DPY19L1: variants seen among roughly 807,000 people sequenced by gnomAD.
The protein encoded by DPY19L1 is protein C-mannosyl-transferase DPY19L1.
In DPY19L1, 35 loss-of-function variants were observed where a neutral mutation model predicts 96.9. The ratio of observed to expected loss-of-function variants is 0.36; its 90% confidence interval spans 0.28 to 0.48. The LOEUF (loss-of-function observed/expected upper bound fraction) is 0.48, where lower values mean the gene tolerates loss of function less well. DPY19L1 is among the 20% of genes least tolerant of loss of function. DPY19L1 has a pLI of 0.99. For synonymous variants in DPY19L1, 205 were observed against 252.6 expected (o/e 0.81, Z 1.79); for missense variants, 521 against 777.9 (o/e 0.67, Z 3.93).
intron 10 of DPY19L1, among the ~76,000 whole-genome samples, chr7:34,961,843 TAC>T (rs1584220894): frequency 6.6e-6 from 1 of 152,028 alleles, no homozygotes; most frequent in Non-Finnish European, 1.5e-5. Flanking sequence ...CCAAAAAAGA[TAC>T]ACAGATGGCA....
At chr7:34,965,465 GT>G (rs1257433083) in intron 10 of DPY19L1, among the ~76,000 whole-genome samples, 1 of 152,068 alleles carries the variant, frequency 6.6e-6, no homozygotes, top group African/African-American at 2.4e-5. Context: ...ATATTGTAAA[GT>G]TATAAAGAAA....
intron 12 of DPY19L1, 132 bp downstream of exon 12, chr7:34,955,175 CT>C: frequency 1.0e-6 from 1 of 1,003,624 alleles, no homozygotes; most frequent in Non-Finnish European, 1.5e-6. Flanking sequence ...TACATTAAAA[CT>C]GAGCCCTAAA....
Position 34,954,807 on chromosome 7 carries a change from G to C in DPY19L1, c.1240-29C>G, listed in dbSNP as rs914260721. The C allele has an allele frequency of 2.4e-6, 3 of 1,252,044 alleles. No individual in the cohort carries two copies. In the African/African-American group the frequency reaches 4.5e-5, roughly 19 times the overall value. The allele number at this position is 1,252,044 out of a possible 1,614,324, so 77.6% of individuals were successfully genotyped here. On this transcript the variant is annotated intron_variant, in intron 12 of 21. Coordinates refer to ENST00000638088, the MANE Select transcript of DPY19L1 (RefSeq NM_001366673.1). ...AACAAAAGAAAACAAAAATAACTTTGATGCTTCATATTCCACAGACATAGG... is the reference window on the plus strand; with the variant it reads ...AACAAAAGAAAACAAAAATAACTTTCATGCTTCATATTCCACAGACATAGG...
intron 6 of DPY19L1, among the ~76,000 whole-genome samples, chr7:34,990,373 T>C (rs1310789330): frequency 1.3e-5 from 2 of 152,204 alleles, no homozygotes; most frequent in South Asian, 2.1e-4. Context: ...AAGGGATCCA[T>C]GGTCATAAGG....
At chr7:35,037,657 G>A (rs1293966759), upstream of DPY19L1, 1 of 243,256 alleles carries the variant, frequency 4.1e-6, no homozygotes, top group Non-Finnish European at 6.8e-6. Flanking sequence ...CACGGCGACC[G>A]CGGAACGCCG....
intron 15 of DPY19L1, 49 bp from the exon 16 acceptor site, chr7:34,945,765 G>T (rs1784132207): frequency 2.3e-6 from 3 of 1,295,036 alleles, no homozygotes; most frequent in Non-Finnish European, 3.3e-6. Context: ...TGGGAAAAAT[G>T]ATATTTTAAA....
intron 7 of DPY19L1, among the ~76,000 whole-genome samples, chr7:34,986,709 T>C (rs141971157): frequency 1.8e-4 from 27 of 151,966 alleles, no homozygotes; most frequent in Non-Finnish European, 3.4e-4. Flanking sequence ...ATTTAAGAAA[T>C]ATGGGTCAGA....
At chr7:34,939,720 T>C (rs1235313449) in intron 19 of DPY19L1, among the ~76,000 whole-genome samples, 1 of 152,242 alleles carries the variant, frequency 6.6e-6, no homozygotes, top group Non-Finnish European at 1.5e-5. Flanking sequence ...TTCTGGAAGA[T>C]GATTTAGTAT....
chr7:34,945,366 C>T (rs949089676), intron 16 of DPY19L1, among the ~76,000 whole-genome samples: 2 of 152,204 alleles, frequency 1.3e-5, no homozygotes, highest in Admixed American at 6.5e-5. Context: ...CCTAAAACCA[C>T]TCACGTAATA....
intron 3 of DPY19L1, among the ~76,000 whole-genome samples, chr7:35,016,746 T>C (rs1017680196): frequency 1.3e-5 from 2 of 152,228 alleles, no homozygotes; most frequent in African/African-American, 4.8e-5. Context: ...GAAGTATTCC[T>C]GCCAGAAAAT....
At chr7:34,977,203 C>T (rs138966480) in intron 7 of DPY19L1, among the ~76,000 whole-genome samples, 8 of 152,098 alleles carry the variant, frequency 5.3e-5, no homozygotes, top group African/African-American at 1.2e-4. Context: ...TGATTTATTA[C>T]GATATTCATT....
At chr7:35,025,215 A>G (rs1327143085) in intron 1 of DPY19L1, among the ~76,000 whole-genome samples, 2 of 152,192 alleles carry the variant, frequency 1.3e-5, no homozygotes, top group Non-Finnish European at 2.9e-5. Context: ...CCTAGTGCCT[A>G]GATTTTTGTG....
At chr7:34,961,100 T>C (rs1324467436) in intron 10 of DPY19L1, among the ~76,000 whole-genome samples, 1 of 152,166 alleles carries the variant, frequency 6.6e-6, no homozygotes, top group African/African-American at 2.4e-5. Flanking sequence ...CCCAACTTGA[T>C]TCAGCACAAT....
intron 10 of DPY19L1, 91 bp from the exon 11 acceptor site, chr7:34,958,161 A>C: frequency 1.3e-6 from 1 of 798,358 alleles, no homozygotes. Flanking sequence ...CCCATAATAA[A>C]CAAAATTCAA....
At chr7:35,029,764 A>C (rs1176426707) in intron 1 of DPY19L1, among the ~76,000 whole-genome samples, 1 of 152,232 alleles carries the variant, frequency 6.6e-6, no homozygotes, top group Non-Finnish European at 1.5e-5. Context: ...GAAGCCAGTA[A>C]AGCTCTTGTC....
chr7:35,008,089 T>C (rs1202549870), intron 6 of DPY19L1, among the ~76,000 whole-genome samples: 1 of 152,034 alleles, frequency 6.6e-6, no homozygotes, highest in African/African-American at 2.4e-5. Flanking sequence ...TGGTATGCTT[T>C]TATCTTCATG....
chr7:34,943,699 G>C (rs1784075264), intron 16 of DPY19L1, among the ~76,000 whole-genome samples: 5 of 152,246 alleles, frequency 3.3e-5, no homozygotes, highest in Non-Finnish European at 5.9e-5. Flanking sequence ...GAAGCTCAAT[G>C]GTTTCCTATA....
At chr7:34,939,621 C>A (rs770083891) in intron 19 of DPY19L1, among the ~76,000 whole-genome samples, 6 of 152,140 alleles carry the variant, frequency 3.9e-5, no homozygotes, top group African/African-American at 9.7e-5. Context: ...AGATTTCTTT[C>A]TTTCTTTAAA....
chr7:34,960,089 T>C (rs1784471483), intron 10 of DPY19L1, among the ~76,000 whole-genome samples: 1 of 151,222 alleles, frequency 6.6e-6, no homozygotes, highest in Non-Finnish European at 1.5e-5. Flanking sequence ...TTTAGGTCTT[T>C]GGATTTATCT....
Sources: allele counts gnomAD v4.1 joint callset (sites outside exome capture counted in the v4.1 genomes callset), GRCh38; gene constraint gnomAD v4.1.1; transcripts MANE v1.5; gene names NCBI Gene and HGNC (gene_info 2026-07-23, HGNC 2026-07-21).